Variants in STARD6 observed in about 807,000 individuals in gnomAD.
STARD6 encodes the protein stAR-related lipid transfer protein 6.
A neutral mutation model predicts 22.3 loss-of-function variants in STARD6; 21 were observed. The observed-to-expected ratio is 0.94, with a 90% CI of 0.67 to 1.35. STARD6 has a LOEUF of 1.35. Among genes scored for constraint, STARD6 ranks in the 40% most tolerant of loss-of-function variants. The probability of loss-of-function intolerance (pLI) is 0.00; values close to 1 mark genes in which losing one functional copy is unlikely to be tolerated. For synonymous variants in STARD6, 80 were observed against 88.1 expected, an observed-to-expected ratio of 0.91 and a Z score of 0.52; for missense variants, 269 against 266.9, an observed-to-expected ratio of 1.01 and a Z score of -0.05.
intron 5 of STARD6, among the ~76,000 whole-genome samples, chr18:54,334,941 T>C (rs1384737415): frequency 6.6e-6 from 1 of 152,178 alleles, no homozygotes; most frequent in African/African-American, 2.4e-5. Flanking sequence ...TCACAATAGT[T>C]GCTCAAAAAG....
chr18:54,354,068 T>G lies in STARD6; in HGVS notation c.126A>C (p.Lys42Asn). 6.4e-7 allele frequency: 1 copy of G among 1,566,790 alleles called. No homozygotes were observed. The highest frequency in any genetic ancestry group is 1.2e-5 in the South Asian group (1 of 80,838). ...KITVSSKASR[K>N]FHGNLYRVEG... ...ATTGTACTCACAGATTTCCATGGAA[T>G]TTTCTAGAAGCCTTACTGGAAACAG... Residue 42 changes from lysine (K) to asparagine (N), a missense_variant, in exon 4 of 8, where the codon AAA (lysine) becomes AAC (asparagine). By Grantham distance (94) the Lys-to-Asn change is moderately conservative. Coordinates refer to ENST00000307844, the MANE Select transcript of STARD6 (RefSeq NM_139171.2).
intron 4 of STARD6, among the ~76,000 whole-genome samples, 182 bp from the exon 5 acceptor site, chr18:54,337,433 T>C (rs896210699): frequency 2.0e-5 from 3 of 152,226 alleles, no homozygotes; most frequent in Admixed American, 1.3e-4. Flanking sequence ...TATTTAAATA[T>C]GCACTGCAAT....
At chr18:54,350,791 G>C (rs1484529703) in intron 4 of STARD6, among the ~76,000 whole-genome samples, 1 of 152,144 alleles carries the variant, frequency 6.6e-6, no homozygotes, top group African/African-American at 2.4e-5. Flanking sequence ...TCAGTTGGCT[G>C]TGGGTATTTG....
At chr18:54,336,650 G>A (rs912052864) in intron 5 of STARD6, among the ~76,000 whole-genome samples, 2 of 152,130 alleles carry the variant, frequency 1.3e-5, no homozygotes, top group African/African-American at 4.8e-5. Context: ...GTTCTCACGA[G>A]GTCTGATGGT....
chr18:54,330,672 C>A (rs1374113571), intron 6 of STARD6, among the ~76,000 whole-genome samples: 2 of 152,000 alleles, frequency 1.3e-5, no homozygotes, highest in African/African-American at 2.4e-5. Flanking sequence ...CTTTTAAAAG[C>A]AAATTGAGTA....
intron 4 of STARD6, among the ~76,000 whole-genome samples, chr18:54,350,418 C>T (rs1361732948): frequency 2.0e-5 from 3 of 152,086 alleles, no homozygotes; most frequent in African/African-American, 4.8e-5. Context: ...AATATTTTCT[C>T]CCATTCTGTG....
intron 4 of STARD6, among the ~76,000 whole-genome samples, chr18:54,352,538 C>A (rs2089107490): frequency 6.6e-6 from 1 of 152,084 alleles, no homozygotes; most frequent in Non-Finnish European, 1.5e-5. Flanking sequence ...GGCAGAGGCA[C>A]CTAGCAAAGC....
chr18:54,355,585 C>T (rs975606618), intron 2 of STARD6, among the ~76,000 whole-genome samples: 1 of 152,094 alleles, frequency 6.6e-6, no homozygotes, highest in African/African-American at 2.4e-5. Context: ...CAGAAGAGGG[C>T]CCTCACCAGA....
intron 6 of STARD6, among the ~76,000 whole-genome samples, chr18:54,329,801 G>A (rs2088851974): frequency 6.6e-6 from 1 of 151,540 alleles, no homozygotes; most frequent in South Asian, 2.1e-4. Context: ...GGGTTTGAGT[G>A]AAAACTGTTA....
intron 5 of STARD6, among the ~76,000 whole-genome samples, chr18:54,332,994 A>G (rs1328165278): frequency 6.6e-6 from 1 of 152,208 alleles, no homozygotes; most frequent in Non-Finnish European, 1.5e-5. Flanking sequence ...AGGGAAAATA[A>G]TTCTAATTTA....
intron 4 of STARD6, among the ~76,000 whole-genome samples, chr18:54,351,898 CGTTT>C (rs779428265): frequency 2.1e-4 from 13 of 61,558 alleles, no homozygotes; most frequent in Admixed American, 5.1e-4. Context: ...GATATTGGTC[CGTTT>C]TTTTTTTTTT....
intron 7 of STARD6, among the ~76,000 whole-genome samples, chr18:54,328,435 T>C (rs750134973): frequency 1.3e-5 from 2 of 152,186 alleles, no homozygotes; most frequent in Non-Finnish European, 2.9e-5. Flanking sequence ...TGTTTTCTCC[T>C]GCTATGGAGA....
chr18:54,355,068 A>G (rs2089132056), intron 2 of STARD6, among the ~76,000 whole-genome samples: 1 of 152,190 alleles, frequency 6.6e-6, no homozygotes. Context: ...GATTATTTAA[A>G]GTGCGTAGCA....
At chr18:54,344,583 T>A (rs376877166) in intron 4 of STARD6, among the ~76,000 whole-genome samples, 53 of 94,006 alleles carry the variant, frequency 5.6e-4, no homozygotes, top group Admixed American at 7.5e-4. Flanking sequence ...AAAAATAAAT[T>A]AAAAAAAAAA....
intron 4 of STARD6, among the ~76,000 whole-genome samples, chr18:54,349,013 GTTC>G (rs1251083437): frequency 1.3e-5 from 2 of 152,060 alleles, no homozygotes; most frequent in African/African-American, 4.8e-5. Context: ...GAGAGACACT[GTTC>G]TTGTGCTAGG....
At chr18:54,331,054 C>T (rs1376684642) in intron 6 of STARD6, among the ~76,000 whole-genome samples, 3 of 151,768 alleles carry the variant, frequency 2.0e-5, no homozygotes, top group South Asian at 2.1e-4. Context: ...TAATAATTAA[C>T]GAAACGTAGT....
chr18:54,345,230 T>C (rs1787813), intron 4 of STARD6, among the ~76,000 whole-genome samples: 10,033 of 152,220 alleles, frequency 0.066, 380 homozygotes, highest in African/African-American at 0.087. Context: ...TATTTCTATA[T>C]GCTAGGATTA....
intron 3 of STARD6, 36 bp downstream of exon 3, chr18:54,354,448 C>T: frequency 6.6e-7 from 1 of 1,526,616 alleles, no homozygotes; most frequent in Non-Finnish European, 9.0e-7. Context: ...TACTTAAAAA[C>T]AAAGTCTTGA....
intron 4 of STARD6, among the ~76,000 whole-genome samples, chr18:54,351,399 A>G (rs1241935827): frequency 6.6e-6 from 1 of 152,142 alleles, no homozygotes; most frequent in Non-Finnish European, 1.5e-5. Flanking sequence ...TAGGTATACA[A>G]TCATATCACT....
Sources: allele counts gnomAD v4.1 joint callset (sites outside exome capture counted in the v4.1 genomes callset), GRCh38; gene constraint gnomAD v4.1.1; transcripts MANE v1.5; gene names NCBI Gene and HGNC (gene_info 2026-07-23, HGNC 2026-07-21).